The following RAB26 variants were observed in gnomAD, a reference collection of about 807,000 sequenced individuals.
RAB26 encodes the protein RAB26, member RAS oncogene family.
A neutral mutation model predicts 33.1 loss-of-function variants in RAB26; 39 were observed. The ratio of observed to expected loss-of-function variants is 1.18; its 90% confidence interval spans 0.91 to 1.54. The LOEUF is 1.54. Ranked by LOEUF, RAB26 falls within the 40% of genes most tolerant of loss-of-function variation. RAB26 has a pLI of 0.00. For missense variants in RAB26, 468 were observed against 362.9 expected (o/e 1.29, Z -2.35); for synonymous variants, 192 against 151.9 (o/e 1.26, Z -1.94).
chr16:2,149,501 C>T (rs1026785201), intron 1 of RAB26, among the ~76,000 whole-genome samples: 1 of 151,996 alleles, frequency 6.6e-6, no homozygotes, highest in Admixed American at 6.5e-5. Flanking sequence ...CAGACTTGGC[C>T]CAGGTCCCTC....
rs980658151 is a variant in RAB26 at position 2,150,289 on chromosome 16, T to G, written c.306+238T>G. 3.3e-5 allele frequency among the ~76,000 whole-genome samples: 5 copies of G among 152,154 alleles called. 1 individual carries two copies. The highest frequency in any genetic ancestry group is 1.2e-4 in the African/African-American group (5 of 41,424). On this transcript the variant is annotated intron_variant, in intron 2 of 8. Coordinates refer to ENST00000210187, the MANE Select transcript of RAB26 (RefSeq NM_014353.5). ...GTGCCTTGGGGGAGGCGGACACTGT[T>G]GCCTACAGGGTGGTGGGTCAGAGGA...
At chr16:2,153,094 G>A (rs1343156769) in intron 7 of RAB26, 49 bp downstream of exon 7, 1 of 1,613,088 alleles carries the variant, frequency 6.2e-7, no homozygotes, top group African/African-American at 1.3e-5. Flanking sequence ...GAGGCTGCGA[G>A]CCTAGGCTGT....
chr16:2,151,283 C>G, intron 2 of RAB26: 1 of 578,868 alleles, frequency 1.7e-6, no homozygotes, highest in South Asian at 1.7e-5. Flanking sequence ...GTTACTGCAC[C>G]CATTTGCAGA....
At chr16:2,152,566 G>A in intron 5 of RAB26, among the ~76,000 whole-genome samples, 1 of 151,950 alleles carries the variant, frequency 6.6e-6, no homozygotes, top group East Asian at 1.9e-4. Context: ...AGTCACTTGG[G>A]AGGCTGAACC....
In RAB26 at chr16:2,154,021, C is replaced by T. The variant is rs761815437; in HGVS notation, c.*600C>T. The T allele has an allele frequency of 4.5e-5, 16 of 358,884 alleles. No homozygotes were observed. The highest frequency in any genetic ancestry group is 1.3e-4 in the African/African-American group (6 of 46,962). 22.2% of individuals were successfully genotyped at this position (358,884 alleles called of 1,614,324 possible). On this transcript the variant is annotated 3_prime_UTR_variant, in exon 9 of 9. Coordinates refer to ENST00000210187, the MANE Select transcript of RAB26 (RefSeq NM_014353.5). ...ACACCAGAAACAACAACTGCCAGCC[C>T]GGCCTGGCCACAGGTGAGGTCTGTG... is the stretch of plus-strand genomic sequence containing the variant.
At chr16:2,149,330 G>A (rs1359674965) in intron 1 of RAB26, among the ~76,000 whole-genome samples, 1 of 147,980 alleles carries the variant, frequency 6.8e-6, no homozygotes, top group Non-Finnish European at 1.5e-5. Flanking sequence ...TTTTTTGCTG[G>A]GGGGAAGAGG....
intron 4 of RAB26, 47 bp from the exon 5 acceptor site, chr16:2,151,809 T>C (rs1046852449): frequency 5.0e-6 from 8 of 1,613,808 alleles, no homozygotes; most frequent in South Asian, 1.1e-5. Context: ...TCTGAGCACC[T>C]GAGGGTGCAG....
chr16:2,149,703 G>A (rs1404995016), intron 1 of RAB26, among the ~76,000 whole-genome samples: 2 of 152,202 alleles, frequency 1.3e-5, no homozygotes, highest in Non-Finnish European at 2.9e-5. Flanking sequence ...GGAGGGTCCG[G>A]GATGCAGGTG....
In RAB26 at chr16:2,148,638, GC is replaced by G; in HGVS notation, c.-143del. 1.2e-5 allele frequency: 6 copies of G among 502,650 alleles called. No individual in the cohort carries two copies. Among genetic ancestry groups the G allele is most frequent in the Non-Finnish European group, 1.5e-5 (6 of 390,960 alleles). The allele number at this position is 502,650 out of a possible 1,614,324, so 31.1% of individuals were successfully genotyped here. A position where few individuals can be genotyped will look rare whatever the true frequency, so the allele number is the denominator to read the frequency against. ...GGCGGGGGCGGGGCGCGAGCCGGGC[GC>G]CCGGGATGATGCCGCCGCCGCCGCC... On this transcript the variant is annotated 5_prime_UTR_variant, in exon 1 of 9. Coordinates refer to ENST00000210187, the MANE Select transcript of RAB26 (RefSeq NM_014353.5).
At position 2,148,966 on chromosome 16, in the gene RAB26, C is replaced by T. The variant is rs2092995619; in HGVS notation, c.183C>T (p.Asp61=). 2.3e-6 allele frequency: 3 copies of T among 1,278,174 alleles called. No homozygotes were observed. Among genetic ancestry groups the T allele is most frequent in the Non-Finnish European group, 3.0e-6 (3 of 1,011,196 alleles). The allele number at this position is 1,278,174 out of a possible 1,614,324, so 79.2% of individuals were successfully genotyped here. Reference sequence around the variant, plus strand: ...TTGGCGGCGGTGTCGACTTCTACGACGTCGCCTTCAAGGTGAGCCAGGCAC... The same window carrying T: ...TTGGCGGCGGTGTCGACTTCTACGATGTCGCCTTCAAGGTGAGCCAGGCAC... ...PSLGGGVDFY[D]VAFKVMLVGD... Residue 61 remains aspartate, a synonymous_variant, in exon 1 of 9, where the codon GAC becomes GAT. Transcript: ENST00000210187.
rs377196029 is a variant in RAB26 at position 2,151,760 on chromosome 16, T to C, written c.414T>C (p.His138=). The change falls in exon 4 of 9, where the codon CAT becomes CAC. Residue 138 remains histidine (H), a splice_region_variant and synonymous_variant. Coordinates refer to ENST00000210187, the MANE Select transcript of RAB26 (RefSeq NM_014353.5). ...CCCATGCCTACTACCGGGATGCTCA[T>C]GGTGAGCCCCTGGGTACCTGGGCTG... ...SVTHAYYRDA[H]ALLLLYDVTN... The C allele has an allele frequency of 8.1e-6, 13 of 1,613,856 alleles. No homozygotes were observed. In the African/African-American group the frequency reaches 1.3e-4, roughly 17 times the overall value.
chr16:2,150,772 ACT>A (rs2093002411), intron 2 of RAB26, among the ~76,000 whole-genome samples: 1 of 151,920 alleles, frequency 6.6e-6, no homozygotes, highest in East Asian at 1.9e-4. Flanking sequence ...TTTGGTTCGC[ACT>A]CTCGTTCAGG....
Position 2,151,610 on chromosome 16 carries a change from G to A in RAB26, c.348G>A (p.Gln116=). ...TGGATGGTGTGAAGGTGAAGCTGCAGGTAAGGTGACTGGCAGAGGACAAGT... is the reference window on the plus strand; with the variant it reads ...TGGATGGTGTGAAGGTGAAGCTGCAAGTAAGGTGACTGGCAGAGGACAAGT... ...LDVDGVKVKL[Q]MWDTAGQERF... The change falls in exon 3 of 9, where the codon CAG becomes CAA. Residue 116 remains glutamine, a splice_region_variant and synonymous_variant. Transcript: ENST00000210187. The A allele has an allele frequency of 6.2e-7, 1 of 1,614,056 alleles. No individual in the cohort carries two copies. The highest frequency in any genetic ancestry group is 8.5e-7 in the Non-Finnish European group (1 of 1,180,030).
In RAB26 at chr16:2,153,059, G is replaced by A. The variant is rs923693418; in HGVS notation, c.591+14G>A. On this transcript the variant is annotated intron_variant, in intron 7 of 8. Transcript: ENST00000210187. ...AAGCTGGCCAAGGTGAGTCAGGGCA[G>A]GGGGGTGGTGAGGGGGTGCCCCTGG... The A allele has an allele frequency of 6.2e-7, 1 of 1,610,928 alleles. No individual in the cohort carries two copies. Among genetic ancestry groups the A allele is most frequent in the Non-Finnish European group, 8.5e-7 (1 of 1,178,134 alleles).
In RAB26 at chr16:2,153,061, G is replaced by C; in HGVS notation, c.591+16G>C. 6.2e-7 allele frequency: 1 copy of C among 1,611,644 alleles called. No individual in the cohort carries two copies. Among genetic ancestry groups the C allele is most frequent in the Non-Finnish European group, 8.5e-7 (1 of 1,178,630 alleles). On this transcript the variant is annotated intron_variant, in intron 7 of 8. Coordinates refer to ENST00000210187, the MANE Select transcript of RAB26 (RefSeq NM_014353.5). ...GCTGGCCAAGGTGAGTCAGGGCAGGGGGGTGGTGAGGGGGTGCCCCTGGAG... is the reference window on the plus strand; with the variant it reads ...GCTGGCCAAGGTGAGTCAGGGCAGGCGGGTGGTGAGGGGGTGCCCCTGGAG...
At chr16:2,151,366 C>CT in intron 2 of RAB26, 1 of 665,990 alleles carries the variant, frequency 1.5e-6, no homozygotes. Context: ...GTAAGAGGCT[C>CT]TAAGCAGGAA....
rs2141254229 is a variant in RAB26, at chr16:2,153,460, T to C, written c.*39T>C. ...CAGTCCTCTGGAGGAAGCCGTCCAGTCCCTAGAAGGCTGGACAGAGGGTCT... is the reference window on the plus strand; with the variant it reads ...CAGTCCTCTGGAGGAAGCCGTCCAGCCCCTAGAAGGCTGGACAGAGGGTCT... On this transcript the variant is annotated 3_prime_UTR_variant, in exon 9 of 9. Transcript: ENST00000210187. The C allele has an allele frequency of 6.3e-7, 1 of 1,584,790 alleles. No homozygotes were observed. Among genetic ancestry groups the C allele is most frequent in the Non-Finnish European group, 8.7e-7 (1 of 1,155,468 alleles).
chr16:2,148,820 A>G lies in RAB26; in HGVS notation c.37A>G (p.Ser13Gly). 7.1e-7 allele frequency: 1 copy of G among 1,412,990 alleles called. No homozygotes were observed. 87.5% of individuals were successfully genotyped at this position (1,412,990 alleles called of 1,614,324 possible). Reference protein sequence around the residue: ...RKKTPKSKGASTPAASTLPTA... With the variant: ...RKKTPKSKGAGTPAASTLPTA... ...GAAGACCCCCAAGAGCAAAGGGGCC[A>G]GCACCCCCGCTGCCTCCACGCTGCC... Residue 13 changes from serine to glycine, a missense_variant, in exon 1 of 9, where the codon AGC becomes GGC. Transcript: ENST00000210187.
At chr16:2,152,018 AG>A in intron 5 of RAB26, 110 bp downstream of exon 5, 2 of 1,433,200 alleles carry the variant, frequency 1.4e-6, no homozygotes, top group Non-Finnish European at 1.9e-6. Context: ...GAGAGAGGGG[AG>A]GGGGAAATGA....
Sources: allele counts gnomAD v4.1 joint callset (sites outside exome capture counted in the v4.1 genomes callset), GRCh38; gene constraint gnomAD v4.1.1; transcripts MANE v1.5; gene names NCBI Gene and HGNC (gene_info 2026-07-23, HGNC 2026-07-21).